Variants in CAMKK1 observed in about 807,000 individuals in gnomAD.
CAMKK1 encodes calcium/calmodulin dependent protein kinase kinase 1, also known as calcium/calmodulin-dependent protein kinase kinase 1.
Under a neutral mutation model 63.5 loss-of-function variants are expected in CAMKK1, and 20 were observed. That is an observed-to-expected ratio of 0.32 (90% confidence interval 0.22 to 0.46). The LOEUF is 0.46. CAMKK1 is among the 20% of genes least tolerant of loss of function. CAMKK1 has a pLI of 1.00. For synonymous variants in CAMKK1, 253 were observed against 269.0 expected (o/e 0.94, Z 0.58); for missense variants, 588 against 658.1 (o/e 0.89, Z 1.17).
chr17:3,872,985 C>T (rs1567620744), intron 11 of CAMKK1, among the ~76,000 whole-genome samples: 1 of 152,308 alleles, frequency 6.6e-6, no homozygotes, highest in East Asian at 1.9e-4. Flanking sequence ...GTGTGGTCAC[C>T]AGAGCAGGCA....
At chr17:3,881,787 G>C in intron 7 of CAMKK1, 139 bp from the exon 8 acceptor site, 1 of 730,312 alleles carries the variant, frequency 1.4e-6, no homozygotes, top group East Asian at 2.7e-5. Flanking sequence ...GGGACCCTGG[G>C]ATATGAGAGC....
intron 15 of CAMKK1, among the ~76,000 whole-genome samples, chr17:3,863,580 G>A (rs1231054168): frequency 2.6e-5 from 4 of 152,122 alleles, no homozygotes; most frequent in African/African-American, 7.2e-5. Context: ...TTCTTTCAAA[G>A]TTAAACGTGG....
Position 3,886,120 on chromosome 17 carries a change from C to T in CAMKK1, c.-43-390G>A, listed in dbSNP as rs146930106. On this transcript the variant is annotated intron_variant, in intron 1 of 15. Transcript: ENST00000348335. ...GCATGCAGCCCTGTGAGTCATGAGTCCCAACCCTTGACAGCAGAGCACTCC... is the reference window on the plus strand; with the variant it reads ...GCATGCAGCCCTGTGAGTCATGAGTTCCAACCCTTGACAGCAGAGCACTCC... Among the ~76,000 whole-genome samples, 168 of 152,348 alleles carry T rather than the reference C, an allele frequency of 1.1e-3. 1 individual carries two copies. The highest frequency in any genetic ancestry group is 2.1e-3 in the Non-Finnish European group (144 of 68,032).
chr17:3,868,270 CCGTCT>C (rs2054649058), intron 14 of CAMKK1, among the ~76,000 whole-genome samples: 3 of 128,058 alleles, frequency 2.3e-5, no homozygotes, highest in African/African-American at 3.5e-5. Flanking sequence ...GAAGCAGGCG[CCGTCT>C]AACTGATACG....
In CAMKK1 at chr17:3,882,670, A is replaced by AC; in HGVS notation, c.649-107dup. ...CCCCAGAACCCTTAGTATGCATGCA[A>AC]CCACCCCAGACAAGGAAGCAGGAAG... On this transcript the variant is annotated intron_variant, in intron 6 of 15. Transcript: ENST00000348335. The surrounding 1 kb of genome is among the most constrained non-coding windows in gnomAD (Gnocchi z 4.3). The AC allele has an allele frequency of 9.6e-7, 1 of 1,040,868 alleles. No individual in the cohort carries two copies. Among genetic ancestry groups the AC allele is most frequent in the Middle Eastern group, 3.1e-4 (1 of 3,274 alleles). The allele number at this position is 1,040,868 out of a possible 1,614,324, so 64.5% of individuals were successfully genotyped here. A position where few individuals can be genotyped will look rare whatever the true frequency, so the allele number is the denominator to read the frequency against.
At chr17:3,888,359 G>A (rs371269638) in intron 1 of CAMKK1, among the ~76,000 whole-genome samples, 1 of 152,230 alleles carries the variant, frequency 6.6e-6, no homozygotes, top group Non-Finnish European at 1.5e-5. Flanking sequence ...CCAGCAAGTC[G>A]GGGCAGAAGG....
chr17:3,886,153 C>T (rs1305115269), intron 1 of CAMKK1, among the ~76,000 whole-genome samples: 1 of 152,208 alleles, frequency 6.6e-6, no homozygotes. Context: ...TCCGACACTG[C>T]CTCCTGGAAG....
chr17:3,885,719 C>T lies in CAMKK1; in HGVS notation c.-32G>A, dbSNP rs1009118765. ...AGTCAAGGGGGTTCTTCTGCGTAGC[C>T]TTGTTGGGAACCTGAGAAAAGAAGG... On this transcript the variant is annotated 5_prime_UTR_variant, in exon 2 of 16. Transcript: ENST00000348335. 1.9e-6 allele frequency: 3 copies of T among 1,606,230 alleles called. No homozygotes were observed. The highest frequency in any genetic ancestry group is 8.5e-7 in the Non-Finnish European group (1 of 1,178,572).
At chr17:3,864,985 C>T (rs1259372168) in intron 15 of CAMKK1, among the ~76,000 whole-genome samples, 1 of 152,190 alleles carries the variant, frequency 6.6e-6, no homozygotes, top group Non-Finnish European at 1.5e-5. Flanking sequence ...GGGGAGTGCG[C>T]CTTCCACACA....
At chr17:3,891,497 G>C (rs1187728218) in intron 1 of CAMKK1, among the ~76,000 whole-genome samples, 1 of 152,190 alleles carries the variant, frequency 6.6e-6, no homozygotes, top group Non-Finnish European at 1.5e-5. Flanking sequence ...GTTATCTGGG[G>C]AAGAGCATTT....
At chr17:3,867,148 G>A (rs1321430374) in intron 14 of CAMKK1, among the ~76,000 whole-genome samples, 1 of 152,254 alleles carries the variant, frequency 6.6e-6, no homozygotes, top group African/African-American at 2.4e-5. Context: ...GTGTGAAGCA[G>A]GGGAGGCTGA....
In CAMKK1 at chr17:3,883,717, T is replaced by C. The variant is rs2055517791; in HGVS notation, c.462+167A>G. 6.6e-6 allele frequency among the ~76,000 whole-genome samples: 1 copy of C among 151,996 alleles called. No individual in the cohort carries two copies. Among genetic ancestry groups the C allele is most frequent in the Non-Finnish European group, 1.5e-5 (1 of 67,956 alleles). On this transcript the variant is annotated intron_variant, in intron 4 of 15. Coordinates refer to ENST00000348335, the MANE Select transcript of CAMKK1 (RefSeq NM_032294.3). This position sits in a 1 kb window ranked among gnomAD's most constrained non-coding sequence, Gnocchi z 4.7. ...CCCCTCAGAGGAATCCAGTCTCTGC[T>C]TGCATATCCCCAGGGTTAGGAAGCT... is the stretch of plus-strand genomic sequence containing the variant.
rs748703441 is a variant in CAMKK1 at position 3,884,476 on chromosome 17, C to T, written c.361-49G>A. On this transcript the variant is annotated intron_variant, in intron 2 of 15. Coordinates refer to ENST00000348335, the MANE Select transcript of CAMKK1 (RefSeq NM_032294.3). This position sits in a 1 kb window ranked among gnomAD's most constrained non-coding sequence, Gnocchi z 4.5. ...GGTGGAGCTGGGTCCGGAGGCAGCA[C>T]TGCTCCTACCTCAGAGCCCGTTCAG... The T allele has an allele frequency of 4.4e-6, 7 of 1,573,720 alleles. No individual in the cohort carries two copies. In the South Asian group the frequency reaches 4.5e-5, roughly 10 times the overall value.
At position 3,862,417 on chromosome 17, in the gene CAMKK1, G is replaced by T; in HGVS notation, c.1446-134C>A. ...CCCTTCACCCACTGCCCCAAGCTTGGCCTCCCTCTGGCCTCCCTACATCAC... is the reference window on the plus strand; with the variant it reads ...CCCTTCACCCACTGCCCCAAGCTTGTCCTCCCTCTGGCCTCCCTACATCAC... On this transcript the variant is annotated intron_variant, in intron 15 of 15. Transcript: ENST00000348335. The surrounding 1 kb of genome is among the most constrained non-coding windows in gnomAD (Gnocchi z 4.1). 1 of 762,234 alleles carries T rather than the reference G, an allele frequency of 1.3e-6. No homozygotes were observed. The highest frequency in any genetic ancestry group is 2.2e-6 in the Non-Finnish European group (1 of 457,134). 47.2% of individuals were successfully genotyped at this position (762,234 alleles called of 1,614,324 possible).
At chr17:3,868,484 T>C (rs1439002194) in intron 14 of CAMKK1, among the ~76,000 whole-genome samples, 1 of 151,802 alleles carries the variant, frequency 6.6e-6, no homozygotes, top group African/African-American at 2.4e-5. Flanking sequence ...AACTGATACG[T>C]GGGCTTTGGG....
intron 12 of CAMKK1, 27 bp from the exon 13 acceptor site, chr17:3,869,915 G>A (rs2054763763): frequency 1.0e-5 from 16 of 1,587,388 alleles, no homozygotes; most frequent in Non-Finnish European, 1.4e-5. Context: ...AAGGAGAGGA[G>A]GGTGGGACCG....
At chr17:3,871,175 C>T (rs1283170701) in intron 12 of CAMKK1, among the ~76,000 whole-genome samples, 1 of 151,966 alleles carries the variant, frequency 6.6e-6, no homozygotes, top group African/African-American at 2.4e-5. Context: ...GGGCCTGAGG[C>T]CTGAATGAGG....
At chr17:3,869,949 A>T (rs2054766182) in intron 12 of CAMKK1, 61 bp from the exon 13 acceptor site, 2 of 1,368,790 alleles carry the variant, frequency 1.5e-6, no homozygotes, top group Non-Finnish European at 2.1e-6. Flanking sequence ...CTTCCTGTCC[A>T]CCTCTCTTCC....
chr17:3,871,803 G>A (rs548482136), intron 12 of CAMKK1, among the ~76,000 whole-genome samples: 15 of 151,292 alleles, frequency 9.9e-5, no homozygotes, highest in Non-Finnish European at 1.6e-4. Context: ...GCGCCACCAC[G>A]CCTGGCTAAT....
Sources: allele counts gnomAD v4.1 joint callset (sites outside exome capture counted in the v4.1 genomes callset), GRCh38; gene constraint gnomAD v4.1.1; non-coding constraint Gnocchi (gnomAD v3.1); transcripts MANE v1.5; gene names NCBI Gene and HGNC (gene_info 2026-07-23, HGNC 2026-07-21).